Variants in NOMO1 observed in about 807,000 individuals in gnomAD.
NOMO1 encodes nodal modulator 3.
NOMO1 carries 40 observed loss-of-function variants against 133.8 expected under a neutral mutation model. The ratio of observed to expected loss-of-function variants is 0.30; its 90% CI spans 0.23 to 0.39. The LOEUF (loss-of-function observed/expected upper bound fraction) is 0.39, where lower values mean the gene tolerates loss of function less well. Ranked by LOEUF, NOMO1 falls within the 10% of genes least tolerant of loss-of-function variation. The probability of loss-of-function intolerance (pLI) is 1.00; values close to 1 mark genes in which losing one functional copy is unlikely to be tolerated. For synonymous variants in NOMO1, 236 were observed against 570.5 expected, an observed-to-expected ratio of 0.41 and a Z score of 8.36; for missense variants, 462 against 1,419.9, an observed-to-expected ratio of 0.33 and a Z score of 10.84.
intron 7 of NOMO1, chr16:14,852,995 T>A (rs146570432): frequency 0.084 from 16,370 of 194,914 alleles, 1,032 homozygotes; most frequent in Admixed American, 0.2. Context: ...AGAGTGAGAC[T>A]CTCAAAAAAA....
intron 16 of NOMO1, among the ~76,000 whole-genome samples, chr16:14,869,759 G>A (rs78501606): frequency 2.6e-5 from 4 of 151,698 alleles, no homozygotes; most frequent in African/African-American, 4.9e-5. Context: ...TTCGATACCT[G>A]GGAATGGAAT....
intron 11 of NOMO1, among the ~76,000 whole-genome samples, chr16:14,858,921 G>A (rs552588250): frequency 2.0e-5 from 3 of 152,018 alleles, no homozygotes; most frequent in Non-Finnish European, 4.4e-5. Flanking sequence ...CAGCTTGAGA[G>A]GTGTGATGGC....
At chr16:14,894,159 C>G (rs1964445950) in intron 29 of NOMO1, among the ~76,000 whole-genome samples, 1 of 151,788 alleles carries the variant, frequency 6.6e-6, no homozygotes, top group Non-Finnish European at 1.5e-5. Context: ...TGTCTCATGT[C>G]AAGTGTCCAG....
intron 1 of NOMO1, 148 bp from the exon 2 acceptor site, chr16:14,838,259 C>T: frequency 2.4e-6 from 2 of 819,572 alleles, no homozygotes; most frequent in Non-Finnish European, 3.9e-6. Context: ...GTTGATTTCC[C>T]TCTGTCCCCA....
At position 14,884,806 on chromosome 16, in the gene NOMO1, T is replaced by C. The variant is rs899002013; in HGVS notation, c.3222+324T>C. On this transcript the variant is annotated intron_variant, in intron 27 of 30. Coordinates refer to ENST00000287667, the MANE Select transcript of NOMO1 (RefSeq NM_014287.4). Reference sequence around the variant, plus strand: ...TGGAATCTAACGTGGAAAGCCAATTTTAAAGAAAGCGCCTTGTAACTTAAA... The same window carrying C: ...TGGAATCTAACGTGGAAAGCCAATTCTAAAGAAAGCGCCTTGTAACTTAAA... Among the ~76,000 whole-genome samples, 90 of 151,858 alleles carry C rather than the reference T, an allele frequency of 5.9e-4. 1 individual carries two copies. The East Asian group carries it at 0.017, about 28-fold the overall frequency.
intron 11 of NOMO1, among the ~76,000 whole-genome samples, chr16:14,858,717 G>T (rs1382109205): frequency 6.6e-6 from 1 of 152,102 alleles, no homozygotes; most frequent in Non-Finnish European, 1.5e-5. Context: ...GGGCCAACGG[G>T]CCATGAGTGG....
chr16:14,836,564 T>G (rs1012053867), intron 1 of NOMO1, among the ~76,000 whole-genome samples: 1 of 151,630 alleles, frequency 6.6e-6, no homozygotes, highest in South Asian at 2.1e-4. Flanking sequence ...AGCCTCAGAG[T>G]GGTTGAGCTG....
At chr16:14,850,734 C>T (rs918479801) in intron 6 of NOMO1, among the ~76,000 whole-genome samples, 2 of 151,870 alleles carry the variant, frequency 1.3e-5, no homozygotes, top group African/African-American at 2.4e-5. Context: ...TCTCTTCTTA[C>T]TGTTTATGAC....
At chr16:14,850,019 T>C (rs1458335091) in intron 6 of NOMO1, among the ~76,000 whole-genome samples, 10 of 151,134 alleles carry the variant, frequency 6.6e-5, no homozygotes, top group South Asian at 2.1e-4. Flanking sequence ...TCACCTTGGC[T>C]TCCCAAGGAT....
At chr16:14,862,970 T>C (rs771303728) in intron 11 of NOMO1, 43 bp from the exon 12 acceptor site, 27 of 1,610,238 alleles carry the variant, frequency 1.7e-5, no homozygotes, top group African/African-American at 4.0e-5. Context: ...TTTCCTGTTA[T>C]AATTGAGTCC....
intron 29 of NOMO1, among the ~76,000 whole-genome samples, chr16:14,892,151 G>A (rs1210131913): frequency 6.6e-6 from 1 of 151,726 alleles, no homozygotes; most frequent in Non-Finnish European, 1.5e-5. Context: ...AGAGGCTGTG[G>A]CAGGAGAATT....
intron 14 of NOMO1, among the ~76,000 whole-genome samples, chr16:14,866,322 A>C (rs1233038828): frequency 6.6e-6 from 1 of 150,612 alleles, no homozygotes; most frequent in African/African-American, 2.5e-5. Flanking sequence ...GGCCTCCCAG[A>C]GTGCTGGGAT....
At chr16:14,870,111 GGTGTCA>G (rs1343204077) in intron 16 of NOMO1, among the ~76,000 whole-genome samples, 1 of 148,300 alleles carries the variant, frequency 6.7e-6, no homozygotes, top group Non-Finnish European at 1.5e-5. Flanking sequence ...TGTCCTTCTG[GGTGTCA>G]GTTCAGCTGC....
At chr16:14,893,616 A>G (rs953440033) in intron 29 of NOMO1, among the ~76,000 whole-genome samples, 2 of 151,848 alleles carry the variant, frequency 1.3e-5, no homozygotes, top group African/African-American at 4.9e-5. Flanking sequence ...CATTTATGAA[A>G]GGGCATCCCA....
intron 29 of NOMO1, among the ~76,000 whole-genome samples, chr16:14,892,629 G>A (rs1348393239): frequency 7.0e-6 from 1 of 143,002 alleles, no homozygotes. Flanking sequence ...AAAAAAAAAA[G>A]CTATGCCTGC....
At chr16:14,842,965 G>A (rs1305296023) in intron 3 of NOMO1, among the ~76,000 whole-genome samples, 1 of 147,070 alleles carries the variant, frequency 6.8e-6, no homozygotes. Context: ...GTCTCGCTCT[G>A]TTGCCCAGGC....
chr16:14,864,458 T>C, intron 12 of NOMO1, 127 bp from the exon 13 acceptor site: 2 of 1,525,036 alleles, frequency 1.3e-6, no homozygotes, highest in Non-Finnish European at 1.8e-6. Flanking sequence ...AAAATCGGCC[T>C]GGAAACGAAC....
rs1964036044 is a variant in NOMO1, at chr16:14,868,540, T to C, written c.1807-8T>C. 1 of 1,612,030 alleles carries C rather than the reference T, an allele frequency of 6.2e-7. No homozygotes were observed. Among genetic ancestry groups the C allele is most frequent in the Admixed American group, 1.7e-5 (1 of 59,950 alleles). ...TTAGTAGTCATTGTATTGGCTTTGCTTCCTTAGGAATTTTATCAGGATGGA... is the reference window on the plus strand; with the variant it reads ...TTAGTAGTCATTGTATTGGCTTTGCCTCCTTAGGAATTTTATCAGGATGGA... On this transcript the variant is annotated splice_region_variant and splice_polypyrimidine_tract_variant and intron_variant, in intron 15 of 30. Coordinates refer to ENST00000287667, the MANE Select transcript of NOMO1 (RefSeq NM_014287.4).
At position 14,845,200 on chromosome 16, in the gene NOMO1, G is replaced by A. The variant is rs547458601; in HGVS notation, c.402+426G>A. ...TTACAAGTGTGTGCCACCATGCCTGGCTAATTTTTGTATTTTCAGCAGAGA... is the reference window on the plus strand; with the variant it reads ...TTACAAGTGTGTGCCACCATGCCTGACTAATTTTTGTATTTTCAGCAGAGA... On this transcript the variant is annotated intron_variant, in intron 4 of 30. Coordinates refer to ENST00000287667, the MANE Select transcript of NOMO1 (RefSeq NM_014287.4). 2.0e-5 allele frequency among the ~76,000 whole-genome samples: 3 copies of A among 151,852 alleles called. No individual in the cohort carries two copies. In the East Asian group the frequency reaches 5.8e-4, roughly 29 times the overall value.
Sources: allele counts gnomAD v4.1 joint callset (sites outside exome capture counted in the v4.1 genomes callset), GRCh38; gene constraint gnomAD v4.1.1; transcripts MANE v1.5; gene names NCBI Gene and HGNC (gene_info 2026-07-23, HGNC 2026-07-21).